SIPA1L3: variants seen among roughly 807,000 people sequenced by gnomAD.
The protein encoded by SIPA1L3 is signal induced proliferation associated 1 like 3.
SIPA1L3 carries 59 observed loss-of-function variants against 150.1 expected under a neutral mutation model. The ratio of observed to expected loss-of-function variants is 0.39; its 90% CI spans 0.32 to 0.49. The LOEUF is 0.49. SIPA1L3 is among the 20% of genes least tolerant of loss of function. The pLI is 0.86. For missense variants in SIPA1L3, 2,211 were observed against 2,489.5 expected, an observed-to-expected ratio of 0.89 and a Z score of 2.38; for synonymous variants, 1,070 against 1,077.6, an observed-to-expected ratio of 0.99 and a Z score of 0.14.
At chr19:37,983,301 T>C (rs1967246846) in intron 1 of SIPA1L3, among the ~76,000 whole-genome samples, 2 of 152,222 alleles carry the variant, frequency 1.3e-5, no homozygotes, top group African/African-American at 4.8e-5. Flanking sequence ...AATCCAGTTC[T>C]GTCGCTTACT....
At chr19:37,966,529 G>A (rs769580811) in intron 1 of SIPA1L3, among the ~76,000 whole-genome samples, 9 of 152,202 alleles carry the variant, frequency 5.9e-5, no homozygotes, top group Admixed American at 2.0e-4. Flanking sequence ...GACTCCTGCC[G>A]TGCCCACCTC....
chr19:37,985,894 C>T (rs1894794887), intron 1 of SIPA1L3, among the ~76,000 whole-genome samples: 1 of 152,236 alleles, frequency 6.6e-6, no homozygotes, highest in African/African-American at 2.4e-5. Context: ...TGGGTGGACT[C>T]CCTGACTTCC....
intron 13 of SIPA1L3, among the ~76,000 whole-genome samples, chr19:38,156,463 T>C (rs1971951355): frequency 1.3e-5 from 2 of 150,630 alleles, no homozygotes; most frequent in South Asian, 4.3e-4. Context: ...GACCTTGTTA[T>C]AGTTGACTCC....
intron 1 of SIPA1L3, among the ~76,000 whole-genome samples, chr19:38,017,942 G>A (rs191870794): frequency 6.6e-6 from 1 of 151,980 alleles, no homozygotes. Flanking sequence ...TAAAAAGCAT[G>A]TGGCTGACTG....
chr19:38,111,852 G>A (rs1600086581), intron 8 of SIPA1L3, among the ~76,000 whole-genome samples: 1 of 152,194 alleles, frequency 6.6e-6, no homozygotes, highest in African/African-American at 2.4e-5. Flanking sequence ...TGGATGAGAT[G>A]GGAGATATTT....
chr19:38,077,661 C>CTTTTTTTTTTTTTTTTTTTTTTTTTT lies in SIPA1L3; in HGVS notation c.-310-3593_-310-3568dup, dbSNP rs58788182. Among the ~76,000 whole-genome samples, 7 of 64,326 alleles carry CTTTTTTTTTTTTTTTTTTTTTTTTTT rather than the reference C, an allele frequency of 1.1e-4. 1 individual carries two copies. The highest frequency in any genetic ancestry group is 1.8e-4 in the African/African-American group (3 of 16,920). The allele number at this position is 64,326 out of a possible 152,430, so 42.2% of individuals were successfully genotyped here. ...TTTTTTCTTTTTTCTTTTTCTTTTT[C>CTTTTTTTTTTTTTTTTTTTTTTTTTT]TTTTTTTTTTTTTTTTTTTTTTTTT... is the stretch of plus-strand genomic sequence containing the variant. On this transcript the variant is annotated intron_variant, in intron 2 of 21. Transcript: ENST00000222345.
intron 1 of SIPA1L3, among the ~76,000 whole-genome samples, chr19:37,920,497 A>C (rs2046449576): frequency 6.6e-6 from 1 of 152,176 alleles, no homozygotes; most frequent in African/African-American, 2.4e-5. Context: ...AAGAGATGAA[A>C]TAAGATTGTC....
In SIPA1L3 at chr19:38,119,627, C is replaced by T. The variant is rs1970970505; in HGVS notation, c.2613C>T (p.Ile871=). The T allele has an allele frequency of 1.9e-6, 3 of 1,614,174 alleles. No individual in the cohort carries two copies. The highest frequency in any genetic ancestry group is 2.2e-5 in the East Asian group (1 of 44,876). ...CTGAGCAGCACAGTGCAGGGGCCAT[C>T]GCCTGGAGGGTGGTGGCCCAGGACT... ...AGAEQHSAGA[I]AWRVVAQDYA... Residue 871 remains isoleucine (I), a synonymous_variant, in exon 9 of 22, where the codon ATC becomes ATT. Transcript: ENST00000222345.
intron 4 of SIPA1L3, among the ~76,000 whole-genome samples, chr19:38,097,535 T>G (rs1970407134): frequency 6.6e-6 from 1 of 152,170 alleles, no homozygotes; most frequent in Non-Finnish European, 1.5e-5. Flanking sequence ...TTCTGATACT[T>G]TCTTTGGCCT....
At chr19:38,194,538 C>G (rs1044646976) in intron 18 of SIPA1L3, among the ~76,000 whole-genome samples, 4 of 152,144 alleles carry the variant, frequency 2.6e-5, no homozygotes, top group Non-Finnish European at 5.9e-5. Context: ...TGGGGTGCCC[C>G]TGACCTTTTT....
At chr19:38,007,708 C>G (rs924963931) in intron 1 of SIPA1L3, among the ~76,000 whole-genome samples, 1 of 151,892 alleles carries the variant, frequency 6.6e-6, no homozygotes, top group African/African-American at 2.4e-5. Context: ...ATTTTCCATA[C>G]CAGGCACTGT....
Position 38,029,172 on chromosome 19 carries a change from C to G in SIPA1L3, c.-311+16C>G, listed in dbSNP as rs1968586135. ...GGCACTAAGGGTGAGTAAGGCGTGG[C>G]TGCTGGTTTGCTTAGAATTTTACAA... On this transcript the variant is annotated intron_variant, in intron 2 of 21. Coordinates refer to ENST00000222345, the MANE Select transcript of SIPA1L3 (RefSeq NM_015073.3). 1 of 152,114 alleles carries G rather than the reference C, an allele frequency of 6.6e-6. No individual in the cohort carries two copies. Among genetic ancestry groups the G allele is most frequent in the African/African-American group, 2.4e-5 (1 of 41,410 alleles). 9.4% of individuals were successfully genotyped at this position (152,114 alleles called of 1,614,324 possible). A position where few individuals can be genotyped will look rare whatever the true frequency, so the allele number is the denominator to read the frequency against.
At chr19:38,193,844 G>C in intron 18 of SIPA1L3, 64 bp downstream of exon 18, 3 of 1,454,232 alleles carry the variant, frequency 2.1e-6, no homozygotes, top group Non-Finnish European at 2.7e-6. Flanking sequence ...GGGGATGCCC[G>C]AGCAGGGGCT....
chr19:38,151,538 C>G (rs1485277185), intron 12 of SIPA1L3, among the ~76,000 whole-genome samples: 1 of 152,134 alleles, frequency 6.6e-6, no homozygotes, highest in Admixed American at 6.6e-5. Flanking sequence ...GTCTCATCAG[C>G]CAAAATTTTG....
chr19:38,173,072 G>A (rs776409718), intron 15 of SIPA1L3, among the ~76,000 whole-genome samples: 1 of 152,178 alleles, frequency 6.6e-6, no homozygotes, highest in Non-Finnish European at 1.5e-5. Context: ...ACTGCACTCA[G>A]CCTGGGTGAC....
intron 1 of SIPA1L3, among the ~76,000 whole-genome samples, chr19:37,950,194 C>A (rs2046750834): frequency 1.3e-5 from 2 of 151,816 alleles, no homozygotes; most frequent in Admixed American, 1.3e-4. Context: ...GCAGTTTTCT[C>A]ACCTGTAAAA....
At chr19:38,079,530 G>T (rs1292938152) in intron 2 of SIPA1L3, among the ~76,000 whole-genome samples, 1 of 151,044 alleles carries the variant, frequency 6.6e-6, no homozygotes, top group East Asian at 2.0e-4. Context: ...GATTTGGGAA[G>T]GTTTTTGTGT....
intron 7 of SIPA1L3, among the ~76,000 whole-genome samples, chr19:38,107,447 C>T (rs764229388): frequency 6.6e-6 from 1 of 152,192 alleles, no homozygotes; most frequent in Non-Finnish European, 1.5e-5. Context: ...GTGGGCAGCG[C>T]CACCAAACAC....
At chr19:37,929,244 G>A (rs2046532293) in intron 1 of SIPA1L3, among the ~76,000 whole-genome samples, 1 of 152,190 alleles carries the variant, frequency 6.6e-6, no homozygotes. Flanking sequence ...GGTAGCACAG[G>A]GAGGAGAGTG....
Sources: gnomAD v4.1 joint callset for allele counts (sites outside exome capture counted in the v4.1 genomes callset) on GRCh38, gnomAD v4.1.1 for gene constraint, MANE v1.5 for transcripts, NCBI Gene and HGNC (gene_info 2026-07-23, HGNC 2026-07-21) for gene names.